The following RASGRF2 variants were observed in gnomAD, a reference collection of about 807,000 sequenced individuals.
The protein encoded by RASGRF2 is ras-specific guanine nucleotide-releasing factor 2.
Under a neutral mutation model 151.0 loss-of-function variants are expected in RASGRF2, and 76 were observed. That is an observed-to-expected ratio of 0.50 (90% CI 0.42 to 0.61). The LOEUF (loss-of-function observed/expected upper bound fraction) is 0.61, where lower values mean the gene tolerates loss of function less well. Among genes scored for constraint, RASGRF2 ranks in the 20% least tolerant of loss-of-function variants. The probability of loss-of-function intolerance (pLI) is 0.00; values close to 1 mark genes in which losing one functional copy is unlikely to be tolerated. For missense variants in RASGRF2, 1,148 were observed against 1,564.6 expected (o/e 0.73, Z 4.49); for synonymous variants, 504 against 566.5 (o/e 0.89, Z 1.57).
At chr5:81,121,694 C>T (rs564511574) in intron 15 of RASGRF2, among the ~76,000 whole-genome samples, 1 of 152,188 alleles carries the variant, frequency 6.6e-6, no homozygotes. Context: ...CAGTTTCTAT[C>T]TTCTTCAACC....
intron 1 of RASGRF2, among the ~76,000 whole-genome samples, chr5:80,989,149 T>C (rs1044518574): frequency 6.6e-6 from 1 of 152,114 alleles, no homozygotes; most frequent in Admixed American, 6.5e-5. Context: ...TTTTATATTT[T>C]TAGTAGAGAT....
intron 1 of RASGRF2, among the ~76,000 whole-genome samples, chr5:80,997,862 G>A (rs1474772232): frequency 6.6e-6 from 1 of 151,784 alleles, no homozygotes; most frequent in African/African-American, 2.4e-5. Context: ...CCAGCTGCTC[G>A]GAAGGCTGAG....
chr5:81,124,908 G>A (rs1753409804), intron 16 of RASGRF2, among the ~76,000 whole-genome samples: 2 of 142,282 alleles, frequency 1.4e-5, no homozygotes, highest in African/African-American at 5.6e-5. Flanking sequence ...TTGGTTTGGA[G>A]ACAGAGTCTC....
intron 13 of RASGRF2, among the ~76,000 whole-genome samples, chr5:81,111,656 C>T (rs1170602222): frequency 6.6e-6 from 1 of 151,700 alleles, no homozygotes; most frequent in Non-Finnish European, 1.5e-5. Context: ...AAATCAGGAA[C>T]TTAGAAAAAG....
At chr5:81,195,679 A>G (rs1755249626) in intron 18 of RASGRF2, among the ~76,000 whole-genome samples, 1 of 152,038 alleles carries the variant, frequency 6.6e-6, no homozygotes, top group Non-Finnish European at 1.5e-5. Context: ...CTTGTTGGAA[A>G]TGCAGAATCC....
intron 15 of RASGRF2, among the ~76,000 whole-genome samples, chr5:81,121,838 AC>A (rs1753318171): frequency 6.6e-6 from 1 of 152,130 alleles, no homozygotes; most frequent in Non-Finnish European, 1.5e-5. Flanking sequence ...CTGTATTCAG[AC>A]CCCATTACTC....
intron 1 of RASGRF2, among the ~76,000 whole-genome samples, chr5:81,003,285 C>T (rs932857835): frequency 6.0e-4 from 89 of 147,110 alleles, no homozygotes; most frequent in Admixed American, 8.4e-4. Flanking sequence ...TGCAATGGCG[C>T]GATCTCGGCT....
Position 81,112,797 on chromosome 5 carries a change from G to T in RASGRF2, c.2026G>T (p.Ala676Ser), listed in dbSNP as rs376549001. Residue 676 changes from alanine (A) to serine (S), a missense_variant, in exon 14 of 27, where the codon GCT (alanine) becomes TCT (serine). By Grantham distance (99) the Ala-to-Ser change is moderately conservative. Around this residue, in one of 5 missense-constraint regions of RASGRF2, gnomAD observed 646 missense variants for 807.4 expected, o/e 0.80. Coordinates refer to ENST00000265080, the MANE Select transcript of RASGRF2 (RefSeq NM_006909.3). ...LHTYRIFTTA[A>S]VVLGKLSDIY... ...CACCTATCGTATTTTCACTACTGCC[G>T]CTGTGGTGCTGGGGAAACTCTCCGA... is the stretch of plus-strand genomic sequence containing the variant. 3 of 1,614,036 alleles carry T rather than the reference G, an allele frequency of 1.9e-6. No homozygotes were observed. Among genetic ancestry groups the T allele is most frequent in the Non-Finnish European group, 2.5e-6 (3 of 1,180,038 alleles).
chr5:81,096,881 A>C (rs1752563103), intron 12 of RASGRF2, among the ~76,000 whole-genome samples: 1 of 152,086 alleles, frequency 6.6e-6, no homozygotes, highest in East Asian at 1.9e-4. Flanking sequence ...CTTAGCAAAA[A>C]AAAATTGTAC....
chr5:81,009,090 A>G (rs1749370359), intron 1 of RASGRF2, among the ~76,000 whole-genome samples: 2 of 152,238 alleles, frequency 1.3e-5, no homozygotes, highest in Non-Finnish European at 2.9e-5. Flanking sequence ...AGCTGAGAGC[A>G]CATGCCCTGA....
intron 26 of RASGRF2, 47 bp downstream of exon 26, chr5:81,219,825 A>G (rs1184910335): frequency 4.9e-6 from 7 of 1,440,130 alleles, no homozygotes; most frequent in Non-Finnish European, 6.8e-6. Context: ...AAAAGGGGAA[A>G]TTAATGAATT....
In RASGRF2 at chr5:81,112,770, C is replaced by T; in HGVS notation, c.1999C>T (p.His667Tyr). The stretch of plus-strand genomic sequence containing the variant: ...TATTGATTTCCTCAACACCTTTCTG[C>T]ACACCTATCGTATTTTCACTACTGC... ...LSIDFLNTFL[H>Y]TYRIFTTAAV... The change falls in exon 14 of 27, where the codon CAC (histidine) becomes TAC (tyrosine). Residue 667 changes from histidine to tyrosine, a missense_variant. His to Tyr is a moderately conservative substitution (Grantham distance 83). Around this residue, in one of 5 missense-constraint regions of RASGRF2, gnomAD observed 646 missense variants for 807.4 expected, o/e 0.80. Coordinates refer to ENST00000265080, the MANE Select transcript of RASGRF2 (RefSeq NM_006909.3). The T allele has an allele frequency of 6.2e-7, 1 of 1,614,232 alleles. No individual in the cohort carries two copies. The highest frequency in any genetic ancestry group is 8.5e-7 in the Non-Finnish European group (1 of 1,180,040).
Position 81,226,112 on chromosome 5 carries a change from C to A in RASGRF2, c.*342C>A, listed in dbSNP as rs558070971. ...TCCATGTTCTGTTAGAACTCAGGGA[C>A]AAGGATCCATGAAAAAGACCTGTGA... On this transcript the variant is annotated 3_prime_UTR_variant, in exon 27 of 27. Transcript: ENST00000265080. 5 of 177,266 alleles carry A rather than the reference C, an allele frequency of 2.8e-5. No homozygotes were observed. The highest frequency in any genetic ancestry group is 1.6e-4 in the East Asian group (1 of 6,282). The allele number at this position is 177,266 out of a possible 1,614,324, so 11.0% of individuals were successfully genotyped here.
intron 17 of RASGRF2, among the ~76,000 whole-genome samples, chr5:81,167,318 A>G (rs980574139): frequency 6.6e-6 from 1 of 152,178 alleles, no homozygotes; most frequent in Non-Finnish European, 1.5e-5. Context: ...GAGGCCAACC[A>G]AGACGTAGCT....
At chr5:81,120,236 A>G (rs1185874435) in intron 15 of RASGRF2, among the ~76,000 whole-genome samples, 2 of 152,174 alleles carry the variant, frequency 1.3e-5, no homozygotes, top group East Asian at 3.8e-4. Flanking sequence ...ATACTTAAAA[A>G]TATTTAAGGT....
At position 81,070,512 on chromosome 5, in the gene RASGRF2, C is replaced by T. The variant is rs138463426; in HGVS notation, c.564C>T (p.Thr188=). The T allele has an allele frequency of 6.8e-5, 110 of 1,608,420 alleles. No individual in the cohort carries two copies. In the African/African-American group the frequency reaches 1.3e-3, roughly 20 times the overall value. ...TCCAGATTATTGCTCTTAATAAAACCAAAGAACGAATGCGACCTTACCAAA... is the reference window on the plus strand; with the variant it reads ...TCCAGATTATTGCTCTTAATAAAACTAAAGAACGAATGCGACCTTACCAAA... ...LKSEIIALNK[T]KERMRPYQSN... is the part of the protein sequence containing the mutation. The change falls in exon 4 of 27, where the codon ACC becomes ACT. Residue 188 remains threonine, a synonymous_variant. Transcript: ENST00000265080.
intron 18 of RASGRF2, among the ~76,000 whole-genome samples, chr5:81,181,969 G>A (rs201349824): frequency 0.23 from 34,952 of 151,908 alleles, 5,795 homozygotes; most frequent in African/African-American, 0.47. Context: ...TATTTTTGGT[G>A]AAAAAATTCA....
At chr5:80,978,472 T>A (rs1437152391) in intron 1 of RASGRF2, among the ~76,000 whole-genome samples, 1 of 152,176 alleles carries the variant, frequency 6.6e-6, no homozygotes, top group Non-Finnish European at 1.5e-5. Flanking sequence ...TGTCTGTATA[T>A]AATAAATAGA....
In RASGRF2 at chr5:81,031,641, T is replaced by A. The variant is rs543304267; in HGVS notation, c.289-11236T>A. On this transcript the variant is annotated intron_variant, in intron 1 of 26. Coordinates refer to ENST00000265080, the MANE Select transcript of RASGRF2 (RefSeq NM_006909.3). ...CACATACCCAAATCTCTGGGACACA[T>A]TTAAAGCAGTGTGTATAGGAAAATT... is the stretch of plus-strand genomic sequence containing the variant. 3.9e-5 allele frequency among the ~76,000 whole-genome samples: 6 copies of A among 152,284 alleles called. No individual in the cohort carries two copies. In the South Asian group the frequency reaches 1.0e-3, roughly 26 times the overall value.
Sources: gnomAD v4.1 joint callset for allele counts (sites outside exome capture counted in the v4.1 genomes callset) on GRCh38, gnomAD v4.1.1 for gene constraint, gnomAD v4.1.1 regional missense constraint, MANE v1.5 for transcripts, NCBI Gene and HGNC (gene_info 2026-07-23, HGNC 2026-07-21) for gene names.